The following GUCY2C variants were observed in gnomAD, a reference collection of about 807,000 sequenced individuals.
GUCY2C encodes the protein guanylate cyclase 2C.
Under a neutral mutation model 131.1 loss-of-function variants are expected in GUCY2C, and 118 were observed. That is an observed-to-expected ratio of 0.90 (90% CI 0.78 to 1.05). GUCY2C has a LOEUF of 1.05. Among genes scored for constraint, GUCY2C ranks in the 50% least tolerant of loss-of-function variants. The probability of loss-of-function intolerance (pLI) is 0.00; values close to 1 mark genes in which losing one functional copy is unlikely to be tolerated. For missense variants in GUCY2C, 1,161 were observed against 1,304.4 expected, an observed-to-expected ratio of 0.89 and a Z score of 1.69; for synonymous variants, 452 against 457.8, an observed-to-expected ratio of 0.99 and a Z score of 0.16.
In GUCY2C at chr12:14,616,628, CT is replaced by C; in HGVS notation, c.2970+4del. 2.6e-6 allele frequency: 4 copies of C among 1,511,710 alleles called. No individual in the cohort carries two copies. Among genetic ancestry groups the C allele is most frequent in the Non-Finnish European group, 3.7e-6 (4 of 1,086,760 alleles). 93.6% of individuals were successfully genotyped at this position (1,511,710 alleles called of 1,614,324 possible). A position where few individuals can be genotyped will look rare whatever the true frequency, so the allele number is the denominator to read the frequency against. ...TCCTATGCATTGTCTCTGTGGACTC[CT>C]TACCTTTAAGTATGTTTCTCCTCTC... On this transcript the variant is annotated splice_donor_region_variant and intron_variant, in intron 25 of 26. Transcript: ENST00000261170.
At chr12:14,648,225 G>T (rs188511606) in intron 15 of GUCY2C, among the ~76,000 whole-genome samples, 1 of 151,482 alleles carries the variant, frequency 6.6e-6, no homozygotes, top group African/African-American at 2.4e-5. Flanking sequence ...CTCCCAAAGT[G>T]ATGGGATTAC....
Position 14,669,725 on chromosome 12 carries a change from G to A in GUCY2C, c.1279C>T (p.Arg427Trp), listed in dbSNP as rs150939711. The change falls in exon 10 of 27, where the codon CGG becomes TGG. Residue 427 changes from arginine to tryptophan, a missense_variant. Transcript: ENST00000261170. ...AAATTCATTAGGGATATCTTACCCC[G>A]GCCTGTAATATCATTAGGAAGTTTA... The part of the protein sequence containing the change: ...NSKLPNDITG[R>W]GPQILMIAVF... 817 of 1,488,556 alleles carry A rather than the reference G, an allele frequency of 5.5e-4. 1 individual carries two copies. The highest frequency in any genetic ancestry group is 1.1e-3 in the South Asian group (93 of 86,132). The allele number at this position is 1,488,556 out of a possible 1,614,324, so 92.2% of individuals were successfully genotyped here.
At chr12:14,644,833 G>T (rs951538712) in intron 16 of GUCY2C, among the ~76,000 whole-genome samples, 1 of 147,926 alleles carries the variant, frequency 6.8e-6, no homozygotes, top group Non-Finnish European at 1.5e-5. Context: ...CCTCCATCTC[G>T]TGGGTTCAAG....
intron 17 of GUCY2C, 63 bp from the exon 18 acceptor site, chr12:14,641,282 C>T (rs765667217): frequency 1.4e-4 from 218 of 1,508,614 alleles, no homozygotes; most frequent in Non-Finnish European, 2.0e-4. Context: ...GGCCTCCAAC[C>T]TGCTTTTGCT....
rs116434172 is a variant in GUCY2C, at chr12:14,662,897, T to C, written c.1283-1835A>G. Among the ~76,000 whole-genome samples the C allele has an allele frequency of 4.4e-3, 669 of 152,184 alleles. 7 individuals carry two copies. The highest frequency in any genetic ancestry group is 0.016 in the African/African-American group (649 of 41,540). On this transcript the variant is annotated intron_variant, in intron 10 of 26. Transcript: ENST00000261170. ...GATGGGAAGGAGGTAGAAGAAAGAA[T>C]TGTGGCACTAACATCTTCATCTTAC...
intron 20 of GUCY2C, among the ~76,000 whole-genome samples, chr12:14,627,479 T>A (rs1467877968): frequency 6.6e-6 from 1 of 152,166 alleles, no homozygotes; most frequent in Non-Finnish European, 1.5e-5. Context: ...AATCTTACTC[T>A]AGGATGAATT....
chr12:14,642,453 G>A (rs1421687507), intron 17 of GUCY2C, among the ~76,000 whole-genome samples: 1 of 152,108 alleles, frequency 6.6e-6, no homozygotes, highest in Non-Finnish European at 1.5e-5. Flanking sequence ...ATGTTGTTAG[G>A]TGCAATAATA....
chr12:14,672,818 C>A (rs1488755835), intron 9 of GUCY2C, 55 bp downstream of exon 9: 1 of 935,762 alleles, frequency 1.1e-6, no homozygotes, highest in Non-Finnish European at 1.8e-6. Flanking sequence ...TTCCAAGTTA[C>A]CCCTCCTCAC....
rs1194096068 is a variant in GUCY2C at position 14,614,896 on chromosome 12, C to T, written c.3018G>A (p.Gln1006=). 6.3e-7 allele frequency: 1 copy of T among 1,586,834 alleles called. No individual in the cohort carries two copies. Among genetic ancestry groups the T allele is most frequent in the East Asian group, 2.4e-5 (1 of 42,322 alleles). ...TAGGAGGGGTTGGCAGGTTGAATTT[C>T]TGGTCCTTCATCCCAGTCAGCCAGT... ...TTYWLTGMKD[Q]KFNLPTPPTV... The change falls in exon 26 of 27, where the codon CAG becomes CAA. Residue 1006 remains glutamine, a synonymous_variant. Coordinates refer to ENST00000261170, the MANE Select transcript of GUCY2C (RefSeq NM_004963.4).
chr12:14,644,434 G>A (rs1947472033), intron 16 of GUCY2C, among the ~76,000 whole-genome samples: 1 of 152,080 alleles, frequency 6.6e-6, no homozygotes, highest in African/African-American at 2.4e-5. Flanking sequence ...GTGGTTAGAG[G>A]GTGTCTCAGC....
At chr12:14,687,611 C>T (rs945551190) in intron 2 of GUCY2C, among the ~76,000 whole-genome samples, 2 of 152,064 alleles carry the variant, frequency 1.3e-5, no homozygotes, top group Non-Finnish European at 2.9e-5. Context: ...CAGAGGGAGA[C>T]CCTGTCTCAA....
At chr12:14,675,034 ACC>A (rs1948198419) in intron 7 of GUCY2C, among the ~76,000 whole-genome samples, 3 of 151,612 alleles carry the variant, frequency 2.0e-5, no homozygotes, top group Admixed American at 2.0e-4. Context: ...ACATGCAGAA[ACC>A]CCATCTCTAT....
intron 7 of GUCY2C, 71 bp from the exon 8 acceptor site, chr12:14,674,831 GT>G: frequency 8.3e-7 from 1 of 1,211,378 alleles, no homozygotes; most frequent in Non-Finnish European, 1.2e-6. Context: ...AGAACAAAAG[GT>G]TGTTGGGATC....
intron 9 of GUCY2C, 65 bp from the exon 10 acceptor site, chr12:14,669,898 G>T: frequency 1.5e-6 from 1 of 647,352 alleles, no homozygotes. Flanking sequence ...ATTATGGTGA[G>T]ATTAATGATT....
intron 26 of GUCY2C, 53 bp downstream of exon 26, chr12:14,614,814 C>T (rs1444182627): frequency 8.8e-7 from 1 of 1,141,454 alleles, no homozygotes; most frequent in African/African-American, 1.6e-5. Context: ...CTGTAACTAA[C>T]AAAGCCAAGA....
intron 11 of GUCY2C, among the ~76,000 whole-genome samples, chr12:14,659,304 A>G (rs1947820198): frequency 6.6e-6 from 1 of 152,140 alleles, no homozygotes; most frequent in African/African-American, 2.4e-5. Context: ...CGGCCTTCCA[A>G]AGTGCTGGGA....
chr12:14,640,626 T>C (rs1274325914), intron 18 of GUCY2C, among the ~76,000 whole-genome samples: 1 of 152,146 alleles, frequency 6.6e-6, no homozygotes, highest in Non-Finnish European at 1.5e-5. Context: ...ACCAAACAGT[T>C]AACGGTTAGC....
rs370705365 is a variant in GUCY2C, at chr12:14,619,210, C to T, written c.2875+1G>A. ...CTGAGAAAAACAGTCTCCCTTCTTA[C>T]GGAGGCCAGTGGATTCCATCCTAGA... On this transcript the variant is annotated splice_donor_variant, in intron 24 of 26. Coordinates refer to ENST00000261170, the MANE Select transcript of GUCY2C (RefSeq NM_004963.4). LOFTEE classifies it high-confidence loss of function. 1.1e-5 allele frequency: 18 copies of T among 1,567,584 alleles called. No individual in the cohort carries two copies. Among genetic ancestry groups the T allele is most frequent in the African/African-American group, 2.7e-5 (2 of 73,994 alleles).
intron 1 of GUCY2C, among the ~76,000 whole-genome samples, chr12:14,692,027 G>A (rs560600748): frequency 1.3e-5 from 2 of 152,280 alleles, no homozygotes; most frequent in African/African-American, 4.8e-5. Flanking sequence ...TAGTAGCGCA[G>A]GGATTTGAAC....
Sources: allele counts gnomAD v4.1 joint callset (sites outside exome capture counted in the v4.1 genomes callset), GRCh38; gene constraint gnomAD v4.1.1; transcripts MANE v1.5; gene names NCBI Gene and HGNC (gene_info 2026-07-23, HGNC 2026-07-21).